CORO2B: variants seen among roughly 807,000 people sequenced by gnomAD.
The protein encoded by CORO2B is coronin-2B.
CORO2B carries 26 observed loss-of-function variants against 58.8 expected under a neutral mutation model. The ratio of observed to expected loss-of-function variants is 0.44; its 90% confidence interval spans 0.32 to 0.61. CORO2B has a LOEUF of 0.61. Ranked by LOEUF, CORO2B falls within the 20% of genes least tolerant of loss-of-function variation. CORO2B has a pLI of 0.04. For missense variants in CORO2B, 460 were observed against 645.1 expected, an observed-to-expected ratio of 0.71 and a Z score of 3.11; for synonymous variants, 242 against 253.8, an observed-to-expected ratio of 0.95 and a Z score of 0.44.
chr15:68,572,701 TG>T, the CORO2B span, among the ~76,000 whole-genome samples: 1 of 152,134 alleles, frequency 6.6e-6, no homozygotes, highest in African/African-American at 2.4e-5. Context: ...GAGGCTGGTT[TG>T]GGGCCCACAC....
intron 1 of CORO2B, among the ~76,000 whole-genome samples, chr15:68,630,784 C>T (rs1473722598): frequency 6.6e-6 from 1 of 152,146 alleles, no homozygotes; most frequent in Non-Finnish European, 1.5e-5. Flanking sequence ...GGTCTGTCTT[C>T]TCATCATTTT....
intron 1 of CORO2B, among the ~76,000 whole-genome samples, chr15:68,621,175 G>A (rs1376617288): frequency 6.6e-6 from 1 of 152,168 alleles, no homozygotes; most frequent in African/African-American, 2.4e-5. Flanking sequence ...TAGCCACAGC[G>A]TCTAATGAGC....
At chr15:68,702,671 G>GGA (rs1342591246) in intron 3 of CORO2B, among the ~76,000 whole-genome samples, 1 of 152,084 alleles carries the variant, frequency 6.6e-6, no homozygotes, top group Non-Finnish European at 1.5e-5. Context: ...CTTCACTGCA[G>GGA]GAGACATCAC....
In CORO2B at chr15:68,694,495, C is replaced by T. The variant is rs575700649; in HGVS notation, c.217-645C>T. 9.8e-5 allele frequency among the ~76,000 whole-genome samples: 15 copies of T among 152,346 alleles called. No individual in the cohort carries two copies. The South Asian group carries it at 2.5e-3, about 25-fold the overall frequency. ...GGCCTGTGGGACTCCGAAGACTATG[C>T]TTTCAACCACAGGGCACTGTGTACC... is the stretch of plus-strand genomic sequence containing the variant. On this transcript the variant is annotated intron_variant, in intron 2 of 11. Transcript: ENST00000261861.
chr15:68,630,742 C>T (rs543790121), intron 1 of CORO2B, among the ~76,000 whole-genome samples: 2 of 152,248 alleles, frequency 1.3e-5, no homozygotes, highest in South Asian at 4.1e-4. Context: ...CTCCACAGTG[C>T]CATCAAGGAC....
the CORO2B span, among the ~76,000 whole-genome samples, chr15:68,570,260 G>A: frequency 6.6e-6 from 1 of 152,152 alleles, no homozygotes; most frequent in Non-Finnish European, 1.5e-5. Flanking sequence ...TAACTTCATG[G>A]GATCCTCGGA....
chr15:68,588,637 G>C (rs1899626394), intron 1 of CORO2B, among the ~76,000 whole-genome samples: 1 of 152,176 alleles, frequency 6.6e-6, no homozygotes, highest in African/African-American at 2.4e-5. Flanking sequence ...CCAGCGCTCA[G>C]ACCTGCTTTT....
chr15:68,633,543 A>ACT (rs1555412743), intron 1 of CORO2B, among the ~76,000 whole-genome samples: 1 of 151,396 alleles, frequency 6.6e-6, no homozygotes, highest in African/African-American at 2.4e-5. Flanking sequence ...ACACACACAC[A>ACT]CACTCACTCC....
chr15:68,660,522 C>A (rs1488322630), intron 2 of CORO2B, among the ~76,000 whole-genome samples: 3 of 152,150 alleles, frequency 2.0e-5, no homozygotes, highest in South Asian at 2.1e-4. Flanking sequence ...AGGTGTGCAC[C>A]ACCACACCTG....
At chr15:68,523,189 CTTTT>C in the CORO2B span, among the ~76,000 whole-genome samples, 21 of 151,544 alleles carry the variant, frequency 1.4e-4, no homozygotes, top group African/African-American at 5.1e-4. Flanking sequence ...TCTTTTCTTT[CTTTT>C]TTCTTTTTTC....
At chr15:68,591,790 T>A (rs1387125230) in intron 1 of CORO2B, among the ~76,000 whole-genome samples, 3 of 152,148 alleles carry the variant, frequency 2.0e-5, no homozygotes, top group African/African-American at 7.2e-5. Flanking sequence ...GCCAGATGGT[T>A]CGATCTAAGG....
intron 2 of CORO2B, among the ~76,000 whole-genome samples, chr15:68,657,076 A>G (rs1566998145): frequency 6.6e-6 from 1 of 152,236 alleles, no homozygotes; most frequent in Non-Finnish European, 1.5e-5. Flanking sequence ...TTAGTTTTTA[A>G]CACTGAATAA....
chr15:68,592,638 T>C (rs936738002), intron 1 of CORO2B, among the ~76,000 whole-genome samples: 5 of 152,256 alleles, frequency 3.3e-5, no homozygotes, highest in Non-Finnish European at 4.4e-5. Flanking sequence ...CCCACCTCTC[T>C]GCATCTATTC....
At chr15:68,589,831 G>A (rs1156480042) in intron 1 of CORO2B, among the ~76,000 whole-genome samples, 1 of 152,222 alleles carries the variant, frequency 6.6e-6, no homozygotes, top group Non-Finnish European at 1.5e-5. Context: ...CTGACCAGAG[G>A]CCTGGTTTGG....
Position 68,595,827 on chromosome 15 carries a change from G to T in CORO2B, c.15+16550G>T, listed in dbSNP as rs570173482. Among the ~76,000 whole-genome samples, 4 of 152,342 alleles carry T rather than the reference G, an allele frequency of 2.6e-5. No homozygotes were observed. The South Asian group carries it at 8.3e-4, about 32-fold the overall frequency. On this transcript the variant is annotated intron_variant, in intron 1 of 11. Transcript: ENST00000261861. ...CAAACAAATACGGATGAAGCCATTG[G>T]CTCAGCATTGAATGCGAGTCCTAAA...
intron 5 of CORO2B, 81 bp from the exon 6 acceptor site, chr15:68,713,844 C>A: frequency 1.1e-6 from 1 of 930,460 alleles, no homozygotes; most frequent in Non-Finnish European, 1.7e-6. Context: ...ATGGGTGTAT[C>A]TTTTCGGGAC....
chr15:68,570,565 A>T, the CORO2B span, among the ~76,000 whole-genome samples: 1 of 152,218 alleles, frequency 6.6e-6, no homozygotes, highest in Non-Finnish European at 1.5e-5. Context: ...GTGCCCACAA[A>T]GTGAGCTGAT....
Position 68,711,526 on chromosome 15 carries a change from G to C in CORO2B, c.484-16G>C. 1.2e-6 allele frequency: 2 copies of C among 1,605,432 alleles called. No homozygotes were observed. Among genetic ancestry groups the C allele is most frequent in the Non-Finnish European group, 1.7e-6 (2 of 1,174,492 alleles). ...AGCAGCCACTGACCCTGCCTCCCAT[G>C]CATCTGCCCTCGCAGGTCCTCATCT... On this transcript the variant is annotated splice_polypyrimidine_tract_variant and intron_variant, in intron 4 of 11. Coordinates refer to ENST00000261861, the MANE Select transcript of CORO2B (RefSeq NM_006091.5).
In CORO2B at chr15:68,725,867, C is replaced by T; in HGVS notation, c.1336C>T (p.Gln446Ter). The change falls in exon 12 of 12, where the codon CAG becomes TAG. Residue 446 changes from glutamine (Q) to a stop codon, truncating the protein, a stop_gained. Transcript: ENST00000261861. LOFTEE classifies it high-confidence loss of function. The stretch of plus-strand genomic sequence containing the variant: ...GCTCCTTCGAATGTTCTTCCGGCAG[C>T]AGGATGAGATTCGACGGTTGAAAGA... ...NELLRMFFRQ[Q>*]DEIRRLKEEL... The T allele has an allele frequency of 6.2e-7, 1 of 1,613,930 alleles. No homozygotes were observed. Among genetic ancestry groups the T allele is most frequent in the Non-Finnish European group, 8.5e-7 (1 of 1,180,006 alleles).
Sources: allele counts gnomAD v4.1 joint callset (sites outside exome capture counted in the v4.1 genomes callset), GRCh38; gene constraint gnomAD v4.1.1; transcripts MANE v1.5; gene names NCBI Gene and HGNC (gene_info 2026-07-23, HGNC 2026-07-21).